MMS19: variants seen among roughly 807,000 people sequenced by gnomAD.
MMS19 encodes the protein MMS19 cytosolic iron-sulfur assembly component, also known as MMS19 nucleotide excision repair protein homolog.
Under a neutral mutation model 129.8 loss-of-function variants are expected in MMS19, and 77 were observed. The observed-to-expected ratio is 0.59, with a 90% CI of 0.49 to 0.72. The LOEUF (loss-of-function observed/expected upper bound fraction) is 0.72. MMS19 is among the 30% of genes least tolerant of loss of function. The pLI is 0.00. For synonymous variants in MMS19, 491 were observed against 502.8 expected (o/e 0.98, Z 0.31); for missense variants, 1,168 against 1,266.3 (o/e 0.92, Z 1.18).
At chr10:97,459,596 C>G in intron 27 of MMS19, 63 bp downstream of exon 27, 5 of 1,599,414 alleles carry the variant, frequency 3.1e-6, no homozygotes, top group Non-Finnish European at 4.3e-6. Context: ...CCTCCCCTTT[C>G]TAGCCCCATC....
At chr10:97,473,917 T>C (rs1589669436) in intron 8 of MMS19, among the ~76,000 whole-genome samples, 1 of 151,950 alleles carries the variant, frequency 6.6e-6, no homozygotes, top group Non-Finnish European at 1.5e-5. Context: ...TCGAGGCAGG[T>C]GGATGGCTTG....
chr10:97,467,374 C>T, intron 14 of MMS19, 131 bp downstream of exon 14: 1 of 645,514 alleles, frequency 1.5e-6, no homozygotes, highest in Non-Finnish European at 2.7e-6. Flanking sequence ...GTTAAGTGTT[C>T]TCTTGTGCTA....
rs1230407784 is a variant in MMS19, at chr10:97,461,527, G to A, written c.2280C>T (p.Cys760=). The A allele has an allele frequency of 1.2e-6, 2 of 1,605,406 alleles. No individual in the cohort carries two copies. The highest frequency in any genetic ancestry group is 1.1e-5 in the South Asian group (1 of 89,162). Residue 760 remains cysteine (C), a synonymous_variant, in exon 23 of 31, where the codon TGC becomes TGT. Transcript: ENST00000438925. ...CPFSSTAAAK[C]FAGLLNKHPA... is the part of the protein sequence containing the mutation. ...GGTGCTTGTTGAGGAGTCCTGCAAAGCACTTGGCAGCAGCGGTGGAAGAAA... is the reference window on the plus strand; with the variant it reads ...GGTGCTTGTTGAGGAGTCCTGCAAAACACTTGGCAGCAGCGGTGGAAGAAA...
chr10:97,498,152 C>T, intron 1 of MMS19, 121 bp downstream of exon 1: 1 of 927,418 alleles, frequency 1.1e-6, no homozygotes, highest in East Asian at 2.7e-5. Context: ...TGCTCACTAA[C>T]CAGCCTTGAG....
At chr10:97,473,220 G>C (rs2035095104) in intron 8 of MMS19, among the ~76,000 whole-genome samples, 1 of 151,888 alleles carries the variant, frequency 6.6e-6, no homozygotes, top group Non-Finnish European at 1.5e-5. Context: ...ATTTCTAGTA[G>C]AGACGGGATT....
intron 1 of MMS19, among the ~76,000 whole-genome samples, chr10:97,484,613 A>G (rs911740481): frequency 2.0e-5 from 3 of 152,186 alleles, no homozygotes; most frequent in African/African-American, 7.2e-5. Context: ...ATGGTAAAAT[A>G]CACTACATAA....
chr10:97,485,197 C>T (rs2037602630), intron 1 of MMS19, among the ~76,000 whole-genome samples: 2 of 151,314 alleles, frequency 1.3e-5, no homozygotes, highest in South Asian at 4.2e-4. Context: ...GGTGTGATCT[C>T]GGCTTGCTGC....
At chr10:97,477,795 T>C in intron 5 of MMS19, 60 bp downstream of exon 5, 1 of 1,244,124 alleles carries the variant, frequency 8.0e-7, no homozygotes, top group Non-Finnish European at 1.1e-6. Flanking sequence ...TGCTATTGAA[T>C]CCCAGTTATG....
intron 1 of MMS19, among the ~76,000 whole-genome samples, chr10:97,493,500 G>C (rs1169336581): frequency 6.6e-6 from 1 of 152,174 alleles, no homozygotes; most frequent in Non-Finnish European, 1.5e-5. Context: ...GAGCCCAGAA[G>C]TTCTTCGAGG....
rs29001329 is a variant in MMS19, at chr10:97,459,837, A to T, written c.2657-96T>A. On this transcript the variant is annotated intron_variant, in intron 26 of 30. Transcript: ENST00000438925. ...TGTGGTGAGGCTGAGACATCAGCCT[A>T]CAAACGGGTGAAAGAGCCCTTCACG... 1,646 of 1,096,268 alleles carry T rather than the reference A, an allele frequency of 1.5e-3. 19 individuals are homozygous for T. The African/African-American group carries it at 0.023, about 15-fold the overall frequency. The allele number at this position is 1,096,268 out of a possible 1,614,324, so 67.9% of individuals were successfully genotyped here. A position where few individuals can be genotyped will look rare whatever the true frequency, so the allele number is the denominator to read the frequency against.
rs559881798 is a variant in MMS19, at chr10:97,466,373, T to A, written c.1505+131A>T. 7 of 824,680 alleles carry A rather than the reference T, an allele frequency of 8.5e-6. No individual in the cohort carries two copies. In the African/African-American group the frequency reaches 1.2e-4, roughly 14 times the overall value. The allele number at this position is 824,680 out of a possible 1,614,324, so 51.1% of individuals were successfully genotyped here. A position where few individuals can be genotyped will look rare whatever the true frequency, so the allele number is the denominator to read the frequency against. On this transcript the variant is annotated intron_variant, in intron 16 of 30. Coordinates refer to ENST00000438925, the MANE Select transcript of MMS19 (RefSeq NM_022362.5). ...CTCCAACTGGTTAGCAGCCAGAGTCTAACACAGAGCTCACCTCCCCTAAGG... is the reference window on the plus strand; with the variant it reads ...CTCCAACTGGTTAGCAGCCAGAGTCAAACACAGAGCTCACCTCCCCTAAGG...
intron 16 of MMS19, 97 bp downstream of exon 16, chr10:97,466,407 G>T: frequency 9.7e-7 from 1 of 1,026,610 alleles, no homozygotes; most frequent in South Asian, 1.3e-5. Flanking sequence ...GGAGAGCCAA[G>T]GGTCAGAAGC....
chr10:97,483,135 C>T (rs1287203942), intron 2 of MMS19, among the ~76,000 whole-genome samples: 2 of 152,118 alleles, frequency 1.3e-5, no homozygotes, highest in Non-Finnish European at 2.9e-5. Flanking sequence ...TTACCACAAC[C>T]TCCACCTCCC....
intron 4 of MMS19, 76 bp downstream of exon 4, chr10:97,478,228 C>T (rs1372211588): frequency 2.5e-6 from 3 of 1,199,114 alleles, no homozygotes; most frequent in East Asian, 2.5e-5. Context: ...TGAACCATCA[C>T]ACCCAAAGCG....
rs1430509561 is a variant in MMS19, at chr10:97,481,005, G to A, written c.199C>T (p.Arg67Ter). ...ACCTGTGACAAAAGCTGGATTGCTC[G>A]TGCCCGAGTTCGGGGTTCTGGATTC... ...LENPEPRTRA[R>*]AIQLLSQVLL... The change falls in exon 3 of 31, where the codon CGA becomes TGA. Residue 67 changes from arginine to a stop codon, truncating the protein, a stop_gained. Transcript: ENST00000438925. LOFTEE classifies it high-confidence loss of function. The A allele has an allele frequency of 7.5e-6, 12 of 1,608,750 alleles. No individual in the cohort carries two copies. The highest frequency in any genetic ancestry group is 2.2e-5 in the East Asian group (1 of 44,808).
chr10:97,469,738 G>A lies in MMS19; in HGVS notation c.847-15C>T, dbSNP rs768252820. On this transcript the variant is annotated splice_polypyrimidine_tract_variant and intron_variant, in intron 10 of 30. Coordinates refer to ENST00000438925, the MANE Select transcript of MMS19 (RefSeq NM_022362.5). The stretch of plus-strand genomic sequence containing the variant: ...CAGCAAGCATTCTGCCAAGGAAACC[G>A]CTGCTATCAGTTATGTACACACTCA... 14 of 1,611,498 alleles carry A rather than the reference G, an allele frequency of 8.7e-6. No homozygotes were observed. Among genetic ancestry groups the A allele is most frequent in the African/African-American group, 2.7e-5 (2 of 74,902 alleles).
Position 97,492,429 on chromosome 10 carries a change from G to A in MMS19, c.112+5844C>T, listed in dbSNP as rs544080228. 9.9e-4 allele frequency among the ~76,000 whole-genome samples: 149 copies of A among 151,248 alleles called. 1 individual carries two copies. Among genetic ancestry groups the A allele is most frequent in the African/African-American group, 3.4e-3 (142 of 41,226 alleles). ...GGCAGAGCTTGCAGTGAGTGGAGAC[G>A]GAGCCACTGCACTCCCACCTGGGCG... On this transcript the variant is annotated intron_variant, in intron 1 of 30. Transcript: ENST00000438925.
chr10:97,475,445 A>G (rs2135386790), intron 8 of MMS19, among the ~76,000 whole-genome samples: 1 of 152,358 alleles, frequency 6.6e-6, no homozygotes, highest in East Asian at 1.9e-4. Context: ...ACAAAATAAA[A>G]CAAAGTAAAG....
At chr10:97,497,286 A>T (rs1211000938) in intron 1 of MMS19, among the ~76,000 whole-genome samples, 2 of 152,238 alleles carry the variant, frequency 1.3e-5, no homozygotes, top group African/African-American at 4.8e-5. Context: ...GCATGATTGA[A>T]TTAAAGTGGA....
Sources: gnomAD v4.1 joint callset for allele counts (sites outside exome capture counted in the v4.1 genomes callset) on GRCh38, gnomAD v4.1.1 for gene constraint, MANE v1.5 for transcripts, NCBI Gene and HGNC (gene_info 2026-07-23, HGNC 2026-07-21) for gene names.